The following HOXC4 variants were observed in gnomAD, a reference collection of about 807,000 sequenced individuals.
The protein encoded by HOXC4 is homeobox protein Hox-C4.
HOXC4 carries 15 observed loss-of-function variants against 25.5 expected under a neutral mutation model. The ratio of observed to expected loss-of-function variants is 0.59; its 90% CI spans 0.39 to 0.91. The LOEUF is 0.91. Ranked by LOEUF, HOXC4 falls within the 40% of genes least tolerant of loss-of-function variation. HOXC4 has a pLI of 0.00. For synonymous variants in HOXC4, 165 were observed against 148.0 expected (o/e 1.11, Z -0.83); for missense variants, 342 against 352.4 (o/e 0.97, Z 0.24).
intron 1 of HOXC4, among the ~76,000 whole-genome samples, chr12:54,027,908 T>G (rs1230158981): frequency 2.0e-5 from 3 of 152,176 alleles, no homozygotes; most frequent in African/African-American, 7.2e-5. Flanking sequence ...TTTTGATTTT[T>G]TTTTAATTAT....
chr12:54,034,368 G>T (rs751860729), intron 1 of HOXC4: 2 of 1,614,194 alleles, frequency 1.2e-6, no homozygotes, highest in Admixed American at 1.7e-5. Flanking sequence ...TACCTCACTC[G>T]CCGCAGGCGC....
At position 54,053,912 on chromosome 12, in the gene HOXC4, T is replaced by C. The variant is rs750732520; in HGVS notation, c.-11T>C. 1.9e-6 allele frequency: 3 copies of C among 1,592,082 alleles called. No homozygotes were observed. The highest frequency in any genetic ancestry group is 2.6e-6 in the Non-Finnish European group (3 of 1,162,128). ...CAAAGCGAGAAAAATTATTTTCCAC[T>C]CCAGAAATTAATGATCATGAGCTCG... On this transcript the variant is annotated 5_prime_UTR_variant, in exon 1 of 2. Coordinates refer to ENST00000430889, the MANE Select transcript of HOXC4 (RefSeq NM_153633.3).
chr12:54,027,694 G>GA (rs1331077394), intron 1 of HOXC4, among the ~76,000 whole-genome samples: 1 of 152,002 alleles, frequency 6.6e-6, no homozygotes, highest in Non-Finnish European at 1.5e-5. Flanking sequence ...TTTCCCAACA[G>GA]AGGGGTCCTG....
chr12:54,046,052 C>A (rs1042291384), intron 1 of HOXC4, among the ~76,000 whole-genome samples: 1 of 152,178 alleles, frequency 6.6e-6, no homozygotes, highest in African/African-American at 2.4e-5. Flanking sequence ...CTACACCCCC[C>A]ACTGGGCCTT....
chr12:54,055,839 A>G lies in HOXC4; in HGVS notation c.*634A>G, dbSNP rs995019246. The G allele has an allele frequency of 2.0e-5, 3 of 152,648 alleles. No individual in the cohort carries two copies. Among genetic ancestry groups the G allele is most frequent in the African/African-American group, 7.2e-5 (3 of 41,446 alleles). The allele number at this position is 152,648 out of a possible 1,614,324, so 9.5% of individuals were successfully genotyped here. On this transcript the variant is annotated 3_prime_UTR_variant, in exon 2 of 2. Transcript: ENST00000430889. ...TCAGAGCTGTTCAGTTTGAGGAGCC[A>G]AAAGAAAATCAAAATGAACTTTCAG...
intron 1 of HOXC4, 149 bp downstream of exon 1, chr12:54,054,510 T>C: frequency 1.6e-6 from 1 of 629,114 alleles, no homozygotes; most frequent in Non-Finnish European, 2.8e-6. Flanking sequence ...TTGAACTGGA[T>C]TTACGAGCGA....
intron 1 of HOXC4, among the ~76,000 whole-genome samples, chr12:54,045,607 T>A (rs1371782547): frequency 6.6e-6 from 1 of 152,198 alleles, no homozygotes; most frequent in African/African-American, 2.4e-5. Flanking sequence ...TTTGAACATA[T>A]GTTTAGAGAT....
chr12:54,030,656 AAG>A (rs1940951996), intron 1 of HOXC4: 2 of 152,694 alleles, frequency 1.3e-5, no homozygotes, highest in African/African-American at 4.8e-5. Flanking sequence ...AAGGAAAAAA[AAG>A]AGGGAAAATT....
chr12:54,021,651 A>G (rs905783101), intron 1 of HOXC4: 1 of 151,996 alleles, frequency 6.6e-6, no homozygotes, highest in African/African-American at 2.4e-5. Flanking sequence ...GCTTTCTTCC[A>G]CCTTCCTCCC....
At chr12:54,030,705 A>G (rs1400237876) in intron 1 of HOXC4, 1 of 152,714 alleles carries the variant, frequency 6.5e-6, no homozygotes, top group East Asian at 1.9e-4. Flanking sequence ...ACGTTTGTTT[A>G]GCCAGTAGGA....
rs922322899 is a variant in HOXC4 at position 54,055,293 on chromosome 12, T to A, written c.*88T>A. ...TCTTATTTATAGAATTTAATATATA[T>A]ATATATATATATATATATAGGTTCT... On this transcript the variant is annotated 3_prime_UTR_variant, in exon 2 of 2. Coordinates refer to ENST00000430889, the MANE Select transcript of HOXC4 (RefSeq NM_153633.3). 5 of 257,246 alleles carry A rather than the reference T, an allele frequency of 1.9e-5. No homozygotes were observed. The highest frequency in any genetic ancestry group is 3.5e-5 in the Non-Finnish European group (5 of 143,644). 15.9% of individuals were successfully genotyped at this position (257,246 alleles called of 1,614,324 possible). A position where few individuals can be genotyped will look rare whatever the true frequency, so the allele number is the denominator to read the frequency against.
chr12:54,023,787 T>A (rs559290833), intron 1 of HOXC4, among the ~76,000 whole-genome samples: 52 of 152,270 alleles, frequency 3.4e-4, no homozygotes, highest in African/African-American at 1.2e-3. Flanking sequence ...ATGCGGTGTG[T>A]GTAGCGGGGG....
chr12:54,039,571 C>T (rs1355591316), intron 1 of HOXC4, among the ~76,000 whole-genome samples: 1 of 152,078 alleles, frequency 6.6e-6, no homozygotes, highest in Non-Finnish European at 1.5e-5. Context: ...TTCTCTCCAG[C>T]AACGCATTGG....
chr12:54,031,833 T>C (rs1265576573), intron 1 of HOXC4, among the ~76,000 whole-genome samples: 1 of 152,158 alleles, frequency 6.6e-6, no homozygotes, highest in Non-Finnish European at 1.5e-5. Context: ...GCAGATACCC[T>C]GCGAAGGCTA....
At position 54,053,896 on chromosome 12, in the gene HOXC4, A is replaced by G. The variant is rs761989962; in HGVS notation, c.-27A>G. ...TGGAGCAGAAAAACGACAAAGCGAG[A>G]AAAATTATTTTCCACTCCAGAAATT... On this transcript the variant is annotated 5_prime_UTR_variant, in exon 1 of 2. Transcript: ENST00000430889. The G allele has an allele frequency of 7.0e-6, 11 of 1,570,384 alleles. No homozygotes were observed. In the South Asian group the frequency reaches 1.2e-4, roughly 18 times the overall value.
upstream of HOXC4, among the ~76,000 whole-genome samples, chr12:54,050,157 G>A (rs545059907): frequency 8.5e-5 from 13 of 152,238 alleles, no homozygotes; most frequent in African/African-American, 2.6e-4. Context: ...TCTCTCAGCC[G>A]GCAGCTTGTT....
At chr12:54,048,898 C>T (rs1227222723), upstream of HOXC4, among the ~76,000 whole-genome samples, 1 of 152,116 alleles carries the variant, frequency 6.6e-6, no homozygotes, top group Non-Finnish European at 1.5e-5. Context: ...AATAAAAGTC[C>T]CCCTCCCCAG....
At chr12:54,031,561 C>T (rs559945818) in intron 1 of HOXC4, among the ~76,000 whole-genome samples, 5 of 152,356 alleles carry the variant, frequency 3.3e-5, no homozygotes, top group East Asian at 3.9e-4. Context: ...TTTATCAACC[C>T]TGGCCTTCTC....
intron 1 of HOXC4, chr12:54,032,943 C>T (rs1941042591): frequency 3.5e-6 from 2 of 572,320 alleles, no homozygotes; most frequent in East Asian, 5.9e-5. Flanking sequence ...TGAGTGGCCG[C>T]TCGAGTCACG....
Sources: allele counts gnomAD v4.1 joint callset (sites outside exome capture counted in the v4.1 genomes callset), GRCh38; gene constraint gnomAD v4.1.1; transcripts MANE v1.5; gene names NCBI Gene and HGNC (gene_info 2026-07-23, HGNC 2026-07-21).